Variants in ANO2 observed in about 807,000 individuals in gnomAD.
The protein encoded by ANO2 is anoctamin 2, also known as anoctamin-2.
Under a neutral mutation model 124.2 loss-of-function variants are expected in ANO2, and 101 were observed. The ratio of observed to expected loss-of-function variants is 0.81; its 90% confidence interval spans 0.69 to 0.96. The LOEUF is 0.96. Ranked by LOEUF, ANO2 falls within the 40% of genes least tolerant of loss-of-function variation. ANO2 has a pLI of 0.00. For synonymous variants in ANO2, 486 were observed against 482.5 expected (o/e 1.01, Z -0.09); for missense variants, 1,293 against 1,274.5 (o/e 1.01, Z -0.22).
At chr12:5,936,781 C>T (rs987317610) in intron 1 of ANO2, among the ~76,000 whole-genome samples, 8 of 152,208 alleles carry the variant, frequency 5.3e-5, no homozygotes, top group Admixed American at 2.0e-4. Flanking sequence ...TTTACATCTA[C>T]GATTCACTTT....
chr12:5,838,507 G>C lies in ANO2; in HGVS notation c.634-5904C>G, dbSNP rs141987705. ...AAAACACACATAGGTCTCCCCCGTA[G>C]TACACACCATACACACTGGTCTTGA... is the stretch of plus-strand genomic sequence containing the variant. On this transcript the variant is annotated intron_variant, in intron 4 of 24. Transcript: ENST00000682330. Among the ~76,000 whole-genome samples the C allele has an allele frequency of 4.0e-3, 605 of 152,280 alleles. 1 individual carries two copies. The highest frequency in any genetic ancestry group is 9.6e-3 in the Admixed American group (147 of 15,298).
intron 1 of ANO2, among the ~76,000 whole-genome samples, chr12:5,941,590 G>A (rs1942896666): frequency 6.6e-6 from 1 of 151,844 alleles, no homozygotes; most frequent in East Asian, 1.9e-4. Flanking sequence ...TGAATAAATA[G>A]TGGCTGAAAT....
intron 3 of ANO2, among the ~76,000 whole-genome samples, chr12:5,886,780 T>C (rs1439780863): frequency 6.6e-6 from 1 of 152,216 alleles, no homozygotes; most frequent in Non-Finnish European, 1.5e-5. Context: ...GAAATTCTGA[T>C]ATATGCTACA....
At chr12:5,811,592 A>G (rs1953391491) in intron 7 of ANO2, among the ~76,000 whole-genome samples, 1 of 152,266 alleles carries the variant, frequency 6.6e-6, no homozygotes, top group South Asian at 2.1e-4. Flanking sequence ...TCCATAAAAA[A>G]GCAACAATAA....
At chr12:5,648,119 T>G (rs1435978617) in intron 14 of ANO2, among the ~76,000 whole-genome samples, 1 of 152,216 alleles carries the variant, frequency 6.6e-6, no homozygotes, top group Non-Finnish European at 1.5e-5. Flanking sequence ...CTGACATTTA[T>G]TTTTTCATCT....
chr12:5,923,172 ACGC>A (rs1941866311), intron 1 of ANO2, among the ~76,000 whole-genome samples: 2 of 40,858 alleles, frequency 4.9e-5, no homozygotes, highest in African/African-American at 1.7e-4. Context: ...ATACACACAC[ACGC>A]ACACACACAT....
intron 3 of ANO2, among the ~76,000 whole-genome samples, chr12:5,873,732 G>T (rs1937898218): frequency 1.3e-5 from 2 of 152,244 alleles, no homozygotes; most frequent in African/African-American, 4.8e-5. Flanking sequence ...AGCTAATGGG[G>T]CTGCTTGGGA....
At chr12:5,621,327 GA>G (rs1325953508) in intron 16 of ANO2, among the ~76,000 whole-genome samples, 3 of 152,064 alleles carry the variant, frequency 2.0e-5, no homozygotes, top group Non-Finnish European at 4.4e-5. Flanking sequence ...TTGGAAGAAT[GA>G]AAAAAAATTT....
chr12:5,946,026 C>A, upstream of ANO2: 5 of 1,161,362 alleles, frequency 4.3e-6, no homozygotes, highest in Non-Finnish European at 6.3e-6. The surrounding 1 kb of genome is among the most constrained non-coding windows in gnomAD (Gnocchi z 4.1). Context: ...TCCAAAGGGC[C>A]CTTCTGCACG....
intron 10 of ANO2, among the ~76,000 whole-genome samples, chr12:5,784,683 C>T (rs1414274325): frequency 6.6e-6 from 1 of 152,152 alleles, no homozygotes; most frequent in Non-Finnish European, 1.5e-5. Flanking sequence ...TCCTAAACCT[C>T]CTCCCTGAGC....
At chr12:5,721,748 T>C (rs1331432281) in intron 14 of ANO2, among the ~76,000 whole-genome samples, 1 of 152,196 alleles carries the variant, frequency 6.6e-6, no homozygotes, top group Non-Finnish European at 1.5e-5. Flanking sequence ...GCTCAAGCAG[T>C]CTGCCCGCCT....
intron 7 of ANO2, among the ~76,000 whole-genome samples, chr12:5,808,874 C>G (rs1365260186): frequency 6.6e-6 from 1 of 152,130 alleles, no homozygotes; most frequent in South Asian, 2.1e-4. Flanking sequence ...AACCTCGCCC[C>G]CATTTGCCAC....
At chr12:5,815,052 A>G (rs1953559591) in intron 7 of ANO2, among the ~76,000 whole-genome samples, 1 of 152,198 alleles carries the variant, frequency 6.6e-6, no homozygotes. Flanking sequence ...TGACAGTAAC[A>G]CCTCATTTAT....
chr12:5,662,755 T>C (rs776602125), intron 14 of ANO2, among the ~76,000 whole-genome samples: 4 of 152,210 alleles, frequency 2.6e-5, no homozygotes, highest in Non-Finnish European at 4.4e-5. Flanking sequence ...GCAATGTTTG[T>C]TGGTTTGGTT....
chr12:5,594,888 C>T (rs1409384694), intron 20 of ANO2, among the ~76,000 whole-genome samples: 2 of 152,164 alleles, frequency 1.3e-5, no homozygotes, highest in Non-Finnish European at 2.9e-5. Flanking sequence ...CCAGGAGACT[C>T]GCTGCACTTG....
At chr12:5,752,675 T>C (rs1019605128) in intron 10 of ANO2, among the ~76,000 whole-genome samples, 4 of 152,238 alleles carry the variant, frequency 2.6e-5, no homozygotes, top group Non-Finnish European at 4.4e-5. Flanking sequence ...ATTCTGCATA[T>C]TGACTTTCAC....
At chr12:5,730,385 T>G (rs1950588186) in intron 14 of ANO2, among the ~76,000 whole-genome samples, 1 of 152,324 alleles carries the variant, frequency 6.6e-6, no homozygotes, top group East Asian at 1.9e-4. Context: ...TACGTGGTCT[T>G]AAGCAAATTC....
At chr12:5,945,261 G>A (rs1347450544), upstream of ANO2, 6 of 1,278,720 alleles carry the variant, frequency 4.7e-6, no homozygotes, top group South Asian at 2.5e-5. Flanking sequence ...CGCGCTTCTG[G>A]GCAGGCTTAT....
chr12:5,610,979 T>TTTTTTTTTTTTTGC (rs1944517861), intron 19 of ANO2, among the ~76,000 whole-genome samples: 2 of 145,638 alleles, frequency 1.4e-5, no homozygotes, highest in Admixed American at 6.9e-5. Context: ...CTGCTTTTTT[T>TTTTTTTTTTTTTGC]TTTTTTTTTT....
Sources: gnomAD v4.1 joint callset for allele counts (sites outside exome capture counted in the v4.1 genomes callset) on GRCh38, gnomAD v4.1.1 for gene constraint, Gnocchi (gnomAD v3.1) non-coding constraint, MANE v1.5 for transcripts, NCBI Gene and HGNC (gene_info 2026-07-23, HGNC 2026-07-21) for gene names.